CCDC82: variants seen among roughly 807,000 people sequenced by gnomAD.
CCDC82 encodes coiled-coil domain containing 82.
Under a neutral mutation model 60.6 loss-of-function variants are expected in CCDC82, and 47 were observed. That is an observed-to-expected ratio of 0.77 (90% confidence interval 0.61 to 0.99). The LOEUF (loss-of-function observed/expected upper bound fraction) is 0.99. Among genes scored for constraint, CCDC82 ranks in the 50% least tolerant of loss-of-function variants. CCDC82 has a pLI of 0.00. For missense variants in CCDC82, 588 were observed against 633.0 expected, an observed-to-expected ratio of 0.93 and a Z score of 0.76; for synonymous variants, 212 against 207.4, an observed-to-expected ratio of 1.02 and a Z score of -0.19.
chr11:96,370,140 T>G (rs1025914955), intron 7 of CCDC82, among the ~76,000 whole-genome samples: 1 of 152,232 alleles, frequency 6.6e-6, no homozygotes, highest in African/African-American at 2.4e-5. Flanking sequence ...TTTATCACCA[T>G]ATAATTCAAC....
chr11:96,361,815 TTATC>T (rs1318738504), intron 8 of CCDC82, among the ~76,000 whole-genome samples: 3 of 152,212 alleles, frequency 2.0e-5, no homozygotes, highest in African/African-American at 7.2e-5. Flanking sequence ...ACAACTGTAA[TTATC>T]TAGTTCAATT....
intron 1 of CCDC82, chr11:96,389,108 A>G (rs1313677723): frequency 6.6e-6 from 1 of 152,234 alleles, no homozygotes; most frequent in Non-Finnish European, 1.5e-5. Flanking sequence ...GCAGGAAAAC[A>G]AGACAGAACA....
At chr11:96,371,932 A>AT (rs1031296849) in intron 6 of CCDC82, among the ~76,000 whole-genome samples, 2 of 152,236 alleles carry the variant, frequency 1.3e-5, no homozygotes, top group African/African-American at 4.8e-5. Context: ...TTTAAGCTTT[A>AT]TTTTCTTGCC....
intron 9 of CCDC82, chr11:96,358,543 T>TA (rs2136064743): frequency 2.7e-5 from 33 of 1,234,842 alleles, no homozygotes; most frequent in Non-Finnish European, 3.3e-5. Flanking sequence ...GATGTGGGTG[T>TA]ATTAGAACTG....
intron 8 of CCDC82, 157 bp from the exon 9 acceptor site, chr11:96,359,335 T>C (rs1342092071): frequency 1.0e-5 from 6 of 578,380 alleles, no homozygotes; most frequent in East Asian, 3.3e-5. Flanking sequence ...AGTCAAACAC[T>C]GAGCACCTGT....
At chr11:96,372,495 T>G (rs78431982) in intron 6 of CCDC82, among the ~76,000 whole-genome samples, 1 of 151,412 alleles carries the variant, frequency 6.6e-6, no homozygotes, top group Non-Finnish European at 1.5e-5. Flanking sequence ...TAGCTTATAG[T>G]AGACATTCAA....
At chr11:96,367,791 T>G (rs11021555) in intron 7 of CCDC82, among the ~76,000 whole-genome samples, 1 of 150,858 alleles carries the variant, frequency 6.6e-6, no homozygotes, top group East Asian at 1.9e-4. Flanking sequence ...TCACTGTCTA[T>G]GGCTGCTACA....
At chr11:96,372,437 C>G (rs1005706495) in intron 6 of CCDC82, among the ~76,000 whole-genome samples, 1 of 151,660 alleles carries the variant, frequency 6.6e-6, no homozygotes, top group African/African-American at 2.4e-5. Flanking sequence ...GTGCAGGAAT[C>G]TAATATGCCT....
chr11:96,367,907 G>A (rs1229641858), intron 7 of CCDC82, among the ~76,000 whole-genome samples: 1 of 143,918 alleles, frequency 6.9e-6, no homozygotes, highest in Non-Finnish European at 1.5e-5. Context: ...TGCAACCTCT[G>A]CCTCCCAGGT....
intron 9 of CCDC82, chr11:96,358,466 A>G: frequency 8.1e-6 from 10 of 1,230,906 alleles, no homozygotes; most frequent in Non-Finnish European, 1.0e-5. Flanking sequence ...TGTGGTCTGA[A>G]ACCTCTGCAT....
chr11:96,379,082 T>A (rs867784082), intron 5 of CCDC82, among the ~76,000 whole-genome samples: 1 of 152,002 alleles, frequency 6.6e-6, no homozygotes, highest in Non-Finnish European at 1.5e-5. Flanking sequence ...ATGTTGAATA[T>A]GATTCGTTGG....
intron 8 of CCDC82, among the ~76,000 whole-genome samples, chr11:96,360,772 T>C (rs1311927441): frequency 6.6e-6 from 1 of 152,218 alleles, no homozygotes; most frequent in Non-Finnish European, 1.5e-5. Context: ...ATACAAGTGA[T>C]GATAGACAAA....
rs145911994 is a variant in CCDC82, at chr11:96,377,357, TACACACAC to T, written c.992-3898_992-3891del. On this transcript the variant is annotated intron_variant, in intron 5 of 9. Coordinates refer to ENST00000646818, the MANE Select transcript of CCDC82 (RefSeq NM_024725.4). ...TTTTAGCTTATATGTGTGTACATAA[TACACACAC>T]ACACACACACACATATTATGTTCAA... Among the ~76,000 whole-genome samples, 1,329 of 149,550 alleles carry T rather than the reference TACACACAC, an allele frequency of 8.9e-3. 19 individuals are homozygous for T. The highest frequency in any genetic ancestry group is 0.035 in the Admixed American group (526 of 15,038).
At chr11:96,378,140 A>T (rs1865687461) in intron 5 of CCDC82, among the ~76,000 whole-genome samples, 1 of 151,898 alleles carries the variant, frequency 6.6e-6, no homozygotes. Flanking sequence ...GAACTTCTCA[A>T]CTATCTCCTG....
chr11:96,385,673 A>C (rs563137859), intron 3 of CCDC82: 2 of 152,304 alleles, frequency 1.3e-5, no homozygotes, highest in South Asian at 2.1e-4. Flanking sequence ...AAAACAAGTA[A>C]GTTCCACGGC....
At chr11:96,382,739 CCT>C (rs1865944592) in intron 5 of CCDC82, 1 of 151,772 alleles carries the variant, frequency 6.6e-6, no homozygotes, top group South Asian at 2.1e-4. Context: ...TTAAAATACT[CCT>C]CCCTTTTCCA....
intron 9 of CCDC82, chr11:96,356,942 G>A (rs1350906005): frequency 2.0e-6 from 2 of 985,326 alleles, no homozygotes; most frequent in South Asian, 9.4e-5. Flanking sequence ...GTACGTGTAA[G>A]GCAACAAAAG....
At chr11:96,357,404 T>C in intron 9 of CCDC82, 9 of 984,996 alleles carry the variant, frequency 9.1e-6, no homozygotes, top group Non-Finnish European at 9.6e-6. Flanking sequence ...TTATTCTTTA[T>C]GTATAACATG....
chr11:96,379,532 G>A (rs999937057), intron 5 of CCDC82, among the ~76,000 whole-genome samples: 4 of 151,788 alleles, frequency 2.6e-5, no homozygotes, highest in African/African-American at 9.7e-5. Context: ...AGGGAAGCTG[G>A]TTAACTATTT....
Sources: allele counts gnomAD v4.1 joint callset (sites outside exome capture counted in the v4.1 genomes callset), GRCh38; gene constraint gnomAD v4.1.1; transcripts MANE v1.5; gene names NCBI Gene and HGNC (gene_info 2026-07-23, HGNC 2026-07-21).